Variants in SH2D3C observed in about 807,000 individuals in gnomAD.
SH2D3C encodes SH2 domain containing 3C.
In SH2D3C, 25 loss-of-function variants were observed where a neutral mutation model predicts 75.2. The observed-to-expected ratio is 0.33, with a 90% CI of 0.24 to 0.46. The LOEUF (loss-of-function observed/expected upper bound fraction) is 0.46, where lower values mean the gene tolerates loss of function less well. SH2D3C is among the 20% of genes least tolerant of loss of function. The probability of loss-of-function intolerance (pLI) is 1.00; values close to 1 mark genes in which losing one functional copy is unlikely to be tolerated. For synonymous variants in SH2D3C, 450 were observed against 473.7 expected (o/e 0.95, Z 0.65); for missense variants, 933 against 1,165.3 (o/e 0.80, Z 2.90).
intron 7 of SH2D3C, among the ~76,000 whole-genome samples, chr9:127,743,276 G>A (rs1844920990): frequency 6.6e-6 from 1 of 152,252 alleles, no homozygotes. Flanking sequence ...GCCAAGGTGG[G>A]CGGATCGCCT....
At position 127,757,602 on chromosome 9, in the gene SH2D3C, AGATGAT is replaced by A. The variant is rs140510163; in HGVS notation, c.555+4003_555+4008del. ...ATTACAGGCATGCACCACCATACCC[AGATGAT>A]GATGATGATGATGATGATGATGATG... On this transcript the variant is annotated intron_variant, in intron 3 of 11. Transcript: ENST00000314830. 4.4e-3 allele frequency among the ~76,000 whole-genome samples: 609 copies of A among 138,398 alleles called. 4 individuals carry two copies. The highest frequency in any genetic ancestry group is 0.022 in the Middle Eastern group (6 of 274). The allele number at this position is 138,398 out of a possible 152,430, so 90.8% of individuals were successfully genotyped here. A position where few individuals can be genotyped will look rare whatever the true frequency, so the allele number is the denominator to read the frequency against.
chr9:127,757,272 A>ATTTTTTTT (rs60217641), intron 3 of SH2D3C, among the ~76,000 whole-genome samples: 1 of 138,644 alleles, frequency 7.2e-6, no homozygotes, highest in Non-Finnish European at 1.6e-5. Flanking sequence ...CCCTCATTTG[A>ATTTTTTTT]TTTTTTTTTT....
chr9:127,774,333 C>T lies in SH2D3C; in HGVS notation c.172G>A (p.Val58Met). The T allele has an allele frequency of 6.2e-7, 1 of 1,613,928 alleles. No individual in the cohort carries two copies. The highest frequency in any genetic ancestry group is 8.5e-7 in the Non-Finnish European group (1 of 1,179,950). The change falls in exon 2 of 12, where the codon GTG becomes ATG. Residue 58 changes from valine (V) to methionine (M), a missense_variant. Transcript: ENST00000314830. This position sits in a 1 kb window ranked among gnomAD's most constrained non-coding sequence, Gnocchi z 4.3. ...GCTGGGGGACTCTTGGGCACCGTCACCATGTCATCCTGCGTGGCTTCAAAG... is the reference window on the plus strand; with the variant it reads ...GCTGGGGGACTCTTGGGCACCGTCATCATGTCATCCTGCGTGGCTTCAAAG... ...DTFEATQDDM[V>M]TVPKSPPAYA... is the part of the protein sequence containing the mutation.
At chr9:127,740,023 T>C (rs1844807216) in intron 10 of SH2D3C, 135 bp from the exon 11 acceptor site, 8 of 903,998 alleles carry the variant, frequency 8.8e-6, no homozygotes, top group Non-Finnish European at 1.2e-5. Flanking sequence ...TCCTGACTCC[T>C]GGGACAAACC....
rs924612744 is a variant in SH2D3C, at chr9:127,774,788, G to A, written c.38-321C>T. 2.0e-5 allele frequency among the ~76,000 whole-genome samples: 3 copies of A among 152,170 alleles called. No individual in the cohort carries two copies. The highest frequency in any genetic ancestry group is 4.4e-5 in the Non-Finnish European group (3 of 68,034). ...TAGCACCTACCCACTAGGGCAATGTGAGAATTACAGAAAAGCTTAGGCCAG... is the reference window on the plus strand; with the variant it reads ...TAGCACCTACCCACTAGGGCAATGTAAGAATTACAGAAAAGCTTAGGCCAG... On this transcript the variant is annotated intron_variant, in intron 1 of 11. Coordinates refer to ENST00000314830, the MANE Select transcript of SH2D3C (RefSeq NM_170600.3). This position sits in a 1 kb window ranked among gnomAD's most constrained non-coding sequence, Gnocchi z 4.3.
At chr9:127,769,981 C>G (rs1011977299) in intron 2 of SH2D3C, among the ~76,000 whole-genome samples, 7 of 152,256 alleles carry the variant, frequency 4.6e-5, no homozygotes, top group African/African-American at 1.7e-4. Flanking sequence ...CCTGACAATT[C>G]CAGTGTGGGT....
intron 3 of SH2D3C, among the ~76,000 whole-genome samples, chr9:127,757,811 G>A (rs1041434397): frequency 6.6e-6 from 1 of 151,782 alleles, no homozygotes; most frequent in African/African-American, 2.4e-5. Flanking sequence ...GTGCCACCAC[G>A]CCTGGATAAC....
chr9:127,766,889 A>G, intron 2 of SH2D3C: 2 of 1,513,492 alleles, frequency 1.3e-6, no homozygotes, highest in South Asian at 1.2e-5. Flanking sequence ...CTTCACGCCC[A>G]TCTTCACTCA....
At chr9:127,755,347 G>C in intron 3 of SH2D3C, 1 of 532,188 alleles carries the variant, frequency 1.9e-6, no homozygotes, top group Non-Finnish European at 2.7e-6. Flanking sequence ...GGCCAGGGGA[G>C]GGGAGGGGGC....
rs147145292 is a variant in SH2D3C, at chr9:127,741,890, T to G, written c.1986A>C (p.Ala662=). ...GCTGAATGGTCTTGTGCAGCAGCGC[T>G]GCCCGCTCCTCCGCAGAGCCGGTGC... The part of the protein sequence containing the change: ...LGCTGSAEER[A]ALLHKTIQLA... Residue 662 remains alanine (A), a synonymous_variant, in exon 9 of 12, where the codon GCA becomes GCC. Coordinates refer to ENST00000314830, the MANE Select transcript of SH2D3C (RefSeq NM_170600.3). The G allele has an allele frequency of 3.4e-4, 541 of 1,613,026 alleles. 2 individuals carry two copies. Among genetic ancestry groups the G allele is most frequent in the Middle Eastern group, 2.1e-3 (13 of 6,084 alleles).
chr9:127,767,401 C>T, intron 2 of SH2D3C: 1 of 1,172,176 alleles, frequency 8.5e-7, no homozygotes, highest in Non-Finnish European at 1.2e-6. Flanking sequence ...CATGCAGCTG[C>T]TCAGACTAGA....
At chr9:127,762,676 A>T (rs2131794558) in intron 2 of SH2D3C, among the ~76,000 whole-genome samples, 1 of 152,326 alleles carries the variant, frequency 6.6e-6, no homozygotes, top group South Asian at 2.1e-4. Flanking sequence ...CCAGTGGAGC[A>T]GAGGAGCCTT....
chr9:127,768,018 C>T (rs1021841364), intron 2 of SH2D3C, among the ~76,000 whole-genome samples: 2 of 152,166 alleles, frequency 1.3e-5, no homozygotes, highest in Non-Finnish European at 2.9e-5. Context: ...CAAGCCAGCC[C>T]GGTTCCCACA....
rs1373559621 is a variant in SH2D3C, at chr9:127,761,592, C to G, written c.555+19G>C. The stretch of plus-strand genomic sequence containing the variant: ...GACCTTCAGTGTCCTCTGACCAACC[C>G]CTGGCCAGCCCCTCCTACCTTCACA... On this transcript the variant is annotated intron_variant, in intron 3 of 11. Transcript: ENST00000314830. 1 of 1,599,652 alleles carries G rather than the reference C, an allele frequency of 6.3e-7. No individual in the cohort carries two copies. The highest frequency in any genetic ancestry group is 1.1e-5 in the South Asian group (1 of 89,950).
chr9:127,766,477 G>A (rs1239872073), intron 2 of SH2D3C, among the ~76,000 whole-genome samples: 1 of 152,212 alleles, frequency 6.6e-6, no homozygotes, highest in East Asian at 1.9e-4. Context: ...GGCTCCTCTT[G>A]TTGCTCCAGA....
rs114207161 is a variant in SH2D3C at position 127,763,990 on chromosome 9, A to C, written c.516-2340T>G. Among the ~76,000 whole-genome samples the C allele has an allele frequency of 9.7e-3, 1,475 of 151,450 alleles. 23 individuals carry two copies. The highest frequency in any genetic ancestry group is 0.034 in the African/African-American group (1,383 of 41,240). ...ACCCCTCCCCCAGCCACCTCCGCCCACTCTTCCCGGGTGAGGCATCCCATC... is the reference window on the plus strand; with the variant it reads ...ACCCCTCCCCCAGCCACCTCCGCCCCCTCTTCCCGGGTGAGGCATCCCATC... On this transcript the variant is annotated intron_variant, in intron 2 of 11. Transcript: ENST00000314830.
At position 127,740,639 on chromosome 9, in the gene SH2D3C, A is replaced by G. The variant is rs568203104; in HGVS notation, c.2089-270T>C. ...GCAGAGCTGGGTGGGAGTTGAACGC[A>G]GGACACTGCCTCTGGGAACTTGTTG... On this transcript the variant is annotated intron_variant, in intron 9 of 11. Transcript: ENST00000314830. Among the ~76,000 whole-genome samples the G allele has an allele frequency of 2.0e-5, 3 of 152,362 alleles. No homozygotes were observed. The East Asian group carries it at 5.8e-4, about 29-fold the overall frequency.
rs1489488044 is a variant in SH2D3C, at chr9:127,740,004, C to G, written c.2201-116G>C. 3 of 1,001,476 alleles carry G rather than the reference C, an allele frequency of 3.0e-6. No individual in the cohort carries two copies. The African/African-American group carries it at 4.9e-5, about 16-fold the overall frequency. 62.0% of individuals were successfully genotyped at this position (1,001,476 alleles called of 1,614,324 possible). A position where few individuals can be genotyped will look rare whatever the true frequency, so the allele number is the denominator to read the frequency against. ...GCCTGGCTGAGGTCCGGGAGAGAGC[C>G]CCAAGGGCTCCTGACTCCTGGGACA... On this transcript the variant is annotated intron_variant, in intron 10 of 11. Transcript: ENST00000314830.
intron 2 of SH2D3C, chr9:127,771,156 GC>G: frequency 6.6e-7 from 1 of 1,504,282 alleles, no homozygotes; most frequent in South Asian, 1.2e-5. Flanking sequence ...CTCCCCGCTG[GC>G]CCTCCCCAGG....
Sources: gnomAD v4.1 joint callset for allele counts (sites outside exome capture counted in the v4.1 genomes callset) on GRCh38, gnomAD v4.1.1 for gene constraint, Gnocchi (gnomAD v3.1) non-coding constraint, MANE v1.5 for transcripts, NCBI Gene and HGNC (gene_info 2026-07-23, HGNC 2026-07-21) for gene names.